The following ATP9A variants were observed in gnomAD, a reference collection of about 807,000 sequenced individuals.
ATP9A encodes probable phospholipid-transporting ATPase IIA.
ATP9A carries 52 observed loss-of-function variants against 144.1 expected under a neutral mutation model. The ratio of observed to expected loss-of-function variants is 0.36; its 90% CI spans 0.29 to 0.45. The LOEUF (loss-of-function observed/expected upper bound fraction) is 0.45. ATP9A is among the 20% of genes least tolerant of loss of function. ATP9A has a pLI of 1.00. For missense variants in ATP9A, 947 were observed against 1,392.7 expected (o/e 0.68, Z 5.09); for synonymous variants, 582 against 557.4 (o/e 1.04, Z -0.62).
At chr20:51,609,394 C>T (rs907547607) in intron 24 of ATP9A, among the ~76,000 whole-genome samples, 3 of 152,146 alleles carry the variant, frequency 2.0e-5, no homozygotes, top group Non-Finnish European at 2.9e-5. Context: ...CTCTCCAGAG[C>T]GCAGCTGACC....
At chr20:51,640,540 G>A (rs896778122) in intron 14 of ATP9A, among the ~76,000 whole-genome samples, 1 of 152,206 alleles carries the variant, frequency 6.6e-6, no homozygotes, top group African/African-American at 2.4e-5. Context: ...AGGTGACAGC[G>A]CTGGCATGTG....
intron 14 of ATP9A, 90 bp from the exon 15 acceptor site, chr20:51,639,594 C>G: frequency 7.4e-7 from 1 of 1,353,030 alleles, no homozygotes; most frequent in Non-Finnish European, 1.0e-6. Context: ...GAAGGGGGCT[C>G]AGAGACAGGG....
intron 19 of ATP9A, among the ~76,000 whole-genome samples, chr20:51,620,197 C>T (rs906612723): frequency 6.6e-6 from 1 of 152,152 alleles, no homozygotes; most frequent in Non-Finnish European, 1.5e-5. Flanking sequence ...CCGTTGTAAT[C>T]CAAAAGCAGT....
intron 15 of ATP9A, among the ~76,000 whole-genome samples, chr20:51,629,341 T>G (rs1220223987): frequency 6.6e-6 from 1 of 152,226 alleles, no homozygotes; most frequent in East Asian, 1.9e-4. Context: ...GTTATTACTA[T>G]TTCAACTGGA....
chr20:51,685,593 A>AAAGAG (rs1308495955), intron 9 of ATP9A, among the ~76,000 whole-genome samples: 1 of 151,880 alleles, frequency 6.6e-6, no homozygotes, highest in East Asian at 1.9e-4. Flanking sequence ...AAAGAAAAGA[A>AAAGAG]AAGAAAAACA....
chr20:51,747,028 G>A (rs2077811629), intron 1 of ATP9A, among the ~76,000 whole-genome samples: 1 of 151,786 alleles, frequency 6.6e-6, no homozygotes, highest in Non-Finnish European at 1.5e-5. Context: ...AAAGAAAAAG[G>A]AGTGGAAGGA....
At position 51,697,487 on chromosome 20, in the gene ATP9A, A is replaced by G; in HGVS notation, c.437-5T>C. ...AACTCTTCACCTTCACTGTGCCTGC[A>G]AAGCAGCAGGTTCAAGATACATCAC... On this transcript the variant is annotated splice_polypyrimidine_tract_variant and splice_region_variant and intron_variant, in intron 4 of 27. Transcript: ENST00000338821. 1 of 1,613,280 alleles carries G rather than the reference A, an allele frequency of 6.2e-7. No individual in the cohort carries two copies. The highest frequency in any genetic ancestry group is 1.1e-5 in the South Asian group (1 of 90,980).
At chr20:51,758,745 T>G (rs1191868016) in intron 1 of ATP9A, among the ~76,000 whole-genome samples, 2 of 152,072 alleles carry the variant, frequency 1.3e-5, no homozygotes, top group African/African-American at 4.8e-5. Flanking sequence ...CAGAACATGG[T>G]GAAACCCCGT....
chr20:51,671,675 C>T (rs943902297), intron 11 of ATP9A, among the ~76,000 whole-genome samples: 1 of 152,216 alleles, frequency 6.6e-6, no homozygotes, highest in Admixed American at 6.6e-5. Flanking sequence ...CATCCACCTC[C>T]GTAATTCTTT....
At chr20:51,723,474 T>C (rs1050244892) in intron 3 of ATP9A, among the ~76,000 whole-genome samples, 35 of 151,058 alleles carry the variant, frequency 2.3e-4, no homozygotes, top group African/African-American at 7.8e-4. Context: ...CACAGGGGGC[T>C]GGGGCAGGAG....
intron 6 of ATP9A, among the ~76,000 whole-genome samples, chr20:51,694,753 G>C (rs1233558709): frequency 2.0e-5 from 3 of 152,168 alleles, no homozygotes; most frequent in Admixed American, 6.5e-5. Flanking sequence ...ACAGATCCGT[G>C]CAAGTAGTCA....
chr20:51,708,487 A>C (rs1429396334), intron 4 of ATP9A, among the ~76,000 whole-genome samples: 1 of 150,862 alleles, frequency 6.6e-6, no homozygotes, highest in East Asian at 2.0e-4. Flanking sequence ...GTAATCCCAG[A>C]CCTTTGGGAG....
chr20:51,610,036 T>G (rs973040230), intron 24 of ATP9A, 65 bp downstream of exon 24: 22 of 1,437,546 alleles, frequency 1.5e-5, no homozygotes, highest in Admixed American at 3.6e-5. Flanking sequence ...CCACGTTTCT[T>G]CTCTCTGTTG....
At chr20:51,754,935 C>T (rs919848442) in intron 1 of ATP9A, among the ~76,000 whole-genome samples, 2 of 151,430 alleles carry the variant, frequency 1.3e-5, no homozygotes, top group African/African-American at 4.9e-5. Flanking sequence ...CATGGTGAAA[C>T]CCCATCCCTA....
intron 4 of ATP9A, among the ~76,000 whole-genome samples, chr20:51,707,170 C>T (rs1008246969): frequency 3.3e-5 from 5 of 152,142 alleles, no homozygotes; most frequent in African/African-American, 7.2e-5. Flanking sequence ...AGGTGGGTCC[C>T]GTACTTGGTT....
chr20:51,685,127 C>G (rs1192211708), intron 9 of ATP9A, among the ~76,000 whole-genome samples: 1 of 151,950 alleles, frequency 6.6e-6, no homozygotes, highest in Non-Finnish European at 1.5e-5. Context: ...TGTTCAATGT[C>G]TATCACATGG....
chr20:51,662,518 C>T (rs1172819108), intron 13 of ATP9A, among the ~76,000 whole-genome samples: 1 of 150,256 alleles, frequency 6.7e-6, no homozygotes, highest in African/African-American at 2.5e-5. Context: ...GCACTCCAGC[C>T]TGGTTAACAG....
chr20:51,676,581 C>T (rs1036824471), intron 9 of ATP9A, among the ~76,000 whole-genome samples: 7 of 152,202 alleles, frequency 4.6e-5, no homozygotes, highest in South Asian at 2.1e-4. Context: ...TGGGTTCAAG[C>T]AATTATCCTG....
chr20:51,637,499 A>C (rs1254541192), intron 15 of ATP9A, among the ~76,000 whole-genome samples: 2 of 151,996 alleles, frequency 1.3e-5, no homozygotes, highest in Non-Finnish European at 2.9e-5. Flanking sequence ...CCCGCAGGAA[A>C]TCAAGAATTT....
Sources: allele counts gnomAD v4.1 joint callset (sites outside exome capture counted in the v4.1 genomes callset), GRCh38; gene constraint gnomAD v4.1.1; transcripts MANE v1.5; gene names NCBI Gene and HGNC (gene_info 2026-07-23, HGNC 2026-07-21).